Variants in ASB7 observed in about 807,000 individuals in gnomAD.
ASB7 encodes ankyrin repeat and SOCS box containing 7.
A neutral mutation model predicts 32.5 loss-of-function variants in ASB7; 4 were observed. The observed-to-expected ratio is 0.12, with a 90% confidence interval of 0.06 to 0.28. The LOEUF (loss-of-function observed/expected upper bound fraction) is 0.28, where lower values mean the gene tolerates loss of function less well. ASB7 is among the 10% of genes least tolerant of loss of function. The pLI, the probability that ASB7 is intolerant of heterozygous loss-of-function variation, is 1.00. For synonymous variants in ASB7, 172 were observed against 155.6 expected, an observed-to-expected ratio of 1.11 and a Z score of -0.78; for missense variants, 181 against 407.1, an observed-to-expected ratio of 0.44 and a Z score of 4.78.
At chr15:100,621,779 T>TA (rs2039794296) in intron 4 of ASB7, among the ~76,000 whole-genome samples, 1 of 150,576 alleles carries the variant, frequency 6.6e-6, no homozygotes, top group Non-Finnish European at 1.5e-5. Context: ...GGGCAAATGA[T>TA]AGAGAAGATA....
chr15:100,650,820 TTAA>T lies in ASB7; in HGVS notation c.*2362_*2364del, dbSNP rs2040026983. 1 of 152,252 alleles carries T rather than the reference TTAA, an allele frequency of 6.6e-6. No homozygotes were observed. The highest frequency in any genetic ancestry group is 1.5e-5 in the Non-Finnish European group (1 of 68,040). 9.4% of individuals were successfully genotyped at this position (152,252 alleles called of 1,614,324 possible). On this transcript the variant is annotated 3_prime_UTR_variant, in exon 6 of 6. Coordinates refer to ENST00000332783, the MANE Select transcript of ASB7 (RefSeq NM_198243.3). ...TAAAAAGAATGTTTTATTTTTGTTGTTAATAAAATCCCAATCACATTTCACAAT... is the reference window on the plus strand; with the variant it reads ...TAAAAAGAATGTTTTATTTTTGTTGTTAAAATCCCAATCACATTTCACAAT...
chr15:100,607,233 A>T (rs1452633188), intron 2 of ASB7, among the ~76,000 whole-genome samples: 2 of 151,614 alleles, frequency 1.3e-5, no homozygotes, highest in Non-Finnish European at 2.9e-5. Context: ...TCAGTTTTTT[A>T]ATAAACTCCC....
chr15:100,627,856 G>A (rs187478799), intron 4 of ASB7, among the ~76,000 whole-genome samples: 4 of 152,216 alleles, frequency 2.6e-5, no homozygotes, highest in Admixed American at 2.6e-4. Flanking sequence ...TGAATGGGAG[G>A]GCATCTTGTA....
At chr15:100,621,114 G>A (rs767988703) in intron 4 of ASB7, among the ~76,000 whole-genome samples, 19 of 152,134 alleles carry the variant, frequency 1.2e-4, no homozygotes, top group African/African-American at 4.6e-4. Flanking sequence ...ATTTATGAGA[G>A]TACATTTGGA....
chr15:100,627,504 C>G (rs1425957408), intron 4 of ASB7, among the ~76,000 whole-genome samples: 8 of 152,156 alleles, frequency 5.3e-5, no homozygotes, highest in Non-Finnish European at 1.2e-4. Context: ...TTCATTGCTT[C>G]TAATCTCCCA....
intron 4 of ASB7, among the ~76,000 whole-genome samples, chr15:100,621,862 G>GA (rs149318872): frequency 0.024 from 2,933 of 121,282 alleles, 72 homozygotes; most frequent in African/African-American, 0.062. Flanking sequence ...CTAGAATGGT[G>GA]AAAAAAAGAA....
chr15:100,632,436 T>C (rs941068873), intron 5 of ASB7, among the ~76,000 whole-genome samples: 1 of 152,236 alleles, frequency 6.6e-6, no homozygotes, highest in Non-Finnish European at 1.5e-5. Context: ...TTCACCTGTG[T>C]GTTCTTTGGC....
At chr15:100,603,375 G>T in intron 2 of ASB7, 62 bp downstream of exon 2, 1 of 181,386 alleles carries the variant, frequency 5.5e-6, no homozygotes, top group Non-Finnish European at 1.1e-5. Context: ...ATTAAGCAGT[G>T]GTTTATTTTC....
chr15:100,644,989 C>G (rs924801872), intron 5 of ASB7, among the ~76,000 whole-genome samples: 1 of 152,178 alleles, frequency 6.6e-6, no homozygotes, highest in African/African-American at 2.4e-5. Flanking sequence ...TTCATACAGG[C>G]CTTACAGAGC....
chr15:100,640,545 T>C (rs1278499142), intron 5 of ASB7, among the ~76,000 whole-genome samples: 1 of 152,180 alleles, frequency 6.6e-6, no homozygotes, highest in African/African-American at 2.4e-5. Context: ...AGTTCAGGTG[T>C]GTAGAGCAAT....
intron 4 of ASB7, among the ~76,000 whole-genome samples, chr15:100,625,350 C>G (rs1044438910): frequency 3.3e-5 from 5 of 152,058 alleles, no homozygotes; most frequent in East Asian, 1.9e-4. Context: ...CAAATGTGTT[C>G]TAGAACTAAA....
intron 5 of ASB7, chr15:100,645,657 G>T: frequency 7.9e-7 from 1 of 1,260,802 alleles, no homozygotes; most frequent in Non-Finnish European, 1.2e-6. Context: ...CAACCTGTAT[G>T]TGAGGTTAGG....
At chr15:100,614,284 AAAAAG>A (rs1245964671) in intron 4 of ASB7, among the ~76,000 whole-genome samples, 12 of 151,956 alleles carry the variant, frequency 7.9e-5, no homozygotes, top group East Asian at 1.9e-4. Flanking sequence ...AAAAAAAAAA[AAAAAG>A]AAAGAAAGAA....
Position 100,612,234 on chromosome 15 carries a change from T to C in ASB7, c.18T>C (p.Cys6=). 1.2e-6 allele frequency: 2 copies of C among 1,613,852 alleles called. No homozygotes were observed. The highest frequency in any genetic ancestry group is 1.7e-6 in the Non-Finnish European group (2 of 1,179,790). The change falls in exon 4 of 6, where the codon TGT becomes TGC. Residue 6 remains cysteine, a synonymous_variant. Transcript: ENST00000332783. Reference sequence around the variant, plus strand: ...CAGCTAGGATGTTACACCATCATTGTCGAAGGAACCCTGAGCTCCAGGAAG... The same window carrying C: ...CAGCTAGGATGTTACACCATCATTGCCGAAGGAACCCTGAGCTCCAGGAAG... MLHHH[C]RRNPELQEEL... is the part of the protein sequence containing the mutation.
At chr15:100,642,950 C>T (rs554349053) in intron 5 of ASB7, among the ~76,000 whole-genome samples, 38 of 152,280 alleles carry the variant, frequency 2.5e-4, no homozygotes, top group Admixed American at 2.2e-3. Context: ...GCAGGAGAAT[C>T]GCTTGAACCC....
At chr15:100,627,435 G>A (rs1218210387) in intron 4 of ASB7, among the ~76,000 whole-genome samples, 1 of 152,178 alleles carries the variant, frequency 6.6e-6, no homozygotes, top group African/African-American at 2.4e-5. Context: ...TTACAAATGA[G>A]ATATTTTTCT....
intron 2 of ASB7, among the ~76,000 whole-genome samples, chr15:100,604,591 CAT>C (rs1457773752): frequency 1.3e-5 from 2 of 152,136 alleles, no homozygotes; most frequent in Non-Finnish European, 2.9e-5. Flanking sequence ...GAGATAAAGA[CAT>C]AGCTTTTAAG....
chr15:100,619,532 C>T (rs1280368676), intron 4 of ASB7, among the ~76,000 whole-genome samples: 1 of 152,112 alleles, frequency 6.6e-6, no homozygotes, highest in Non-Finnish European at 1.5e-5. Context: ...AAAGAATTGC[C>T]GTTAATTGAA....
chr15:100,637,266 T>C (rs2039930767), intron 5 of ASB7, among the ~76,000 whole-genome samples: 1 of 152,208 alleles, frequency 6.6e-6, no homozygotes, highest in South Asian at 2.1e-4. Flanking sequence ...CGTTTAGTCC[T>C]GGGTATTTGG....
Sources: allele counts gnomAD v4.1 joint callset (sites outside exome capture counted in the v4.1 genomes callset), GRCh38; gene constraint gnomAD v4.1.1; transcripts MANE v1.5; gene names NCBI Gene and HGNC (gene_info 2026-07-23, HGNC 2026-07-21).